ANKS1B: variants seen among roughly 807,000 people sequenced by gnomAD.
ANKS1B encodes the protein ankyrin repeat and sterile alpha motif domain-containing protein 1B.
A neutral mutation model predicts 148.3 loss-of-function variants in ANKS1B; 36 were observed. The ratio of observed to expected loss-of-function variants is 0.24; its 90% CI spans 0.19 to 0.32. The LOEUF (loss-of-function observed/expected upper bound fraction) is 0.32. ANKS1B is among the 10% of genes least tolerant of loss of function. The pLI is 1.00. For synonymous variants in ANKS1B, 542 were observed against 560.8 expected, an observed-to-expected ratio of 0.97 and a Z score of 0.47; for missense variants, 1,157 against 1,542.6, an observed-to-expected ratio of 0.75 and a Z score of 4.19.
At chr12:98,965,721 C>G (rs2099877253) in intron 17 of ANKS1B, among the ~76,000 whole-genome samples, 1 of 152,166 alleles carries the variant, frequency 6.6e-6, no homozygotes, top group African/African-American at 2.4e-5. Context: ...TGGAACAGAA[C>G]AGAGCCCTCA....
At chr12:99,281,576 C>G (rs1308066254) in intron 12 of ANKS1B, among the ~76,000 whole-genome samples, 1 of 152,116 alleles carries the variant, frequency 6.6e-6, no homozygotes, top group African/African-American at 2.4e-5. Flanking sequence ...GCGGGTACTT[C>G]CAAAATAATT....
chr12:99,679,696 T>C (rs1352836277), intron 8 of ANKS1B, among the ~76,000 whole-genome samples: 1 of 152,166 alleles, frequency 6.6e-6, no homozygotes, highest in Non-Finnish European at 1.5e-5. Flanking sequence ...AACCAAATTA[T>C]TATCAAATTC....
chr12:99,530,616 CA>C (rs1378283736), intron 9 of ANKS1B, among the ~76,000 whole-genome samples: 4 of 151,872 alleles, frequency 2.6e-5, no homozygotes, highest in African/African-American at 9.7e-5. Context: ...TTAATCACAA[CA>C]AAACTTATGC....
intron 14 of ANKS1B, among the ~76,000 whole-genome samples, chr12:99,190,933 G>T (rs1013450283): frequency 4.6e-5 from 7 of 151,772 alleles, no homozygotes; most frequent in African/African-American, 1.7e-4. Context: ...GAAAATTTTT[G>T]CAATCTCTCC....
intron 9 of ANKS1B, among the ~76,000 whole-genome samples, chr12:99,570,810 T>C (rs976736994): frequency 6.6e-6 from 1 of 152,110 alleles, no homozygotes; most frequent in African/African-American, 2.4e-5. Context: ...ATATACAATG[T>C]ACGTACTTTA....
At chr12:99,856,034 C>T (rs1381291388) in intron 1 of ANKS1B, among the ~76,000 whole-genome samples, 1 of 151,760 alleles carries the variant, frequency 6.6e-6, no homozygotes, top group African/African-American at 2.4e-5. Context: ...CAAACCAAAC[C>T]CAGCAGAAGA....
chr12:98,757,064 A>G (rs1422279099), intron 25 of ANKS1B, among the ~76,000 whole-genome samples: 7 of 152,116 alleles, frequency 4.6e-5, no homozygotes, highest in Non-Finnish European at 1.0e-4. Flanking sequence ...AAAAAAAAAA[A>G]AGTTCTTGCT....
chr12:98,808,236 G>A (rs1400652469), intron 19 of ANKS1B, among the ~76,000 whole-genome samples: 4 of 152,014 alleles, frequency 2.6e-5, no homozygotes, highest in Non-Finnish European at 5.9e-5. Context: ...CCCCCTTCAC[G>A]TCACTACTTT....
chr12:99,401,852 A>C (rs187465613), intron 11 of ANKS1B, among the ~76,000 whole-genome samples: 1 of 146,958 alleles, frequency 6.8e-6, no homozygotes, highest in African/African-American at 2.6e-5. Context: ...AGGGTCAGCA[A>C]ACTATGGCCT....
intron 15 of ANKS1B, among the ~76,000 whole-genome samples, chr12:99,122,620 A>C (rs903464682): frequency 1.3e-5 from 2 of 152,216 alleles, no homozygotes; most frequent in Non-Finnish European, 2.9e-5. Flanking sequence ...ATGTCTAATC[A>C]ATTCAGAAAA....
chr12:99,084,322 G>C (rs867177156), intron 16 of ANKS1B, among the ~76,000 whole-genome samples: 1 of 152,148 alleles, frequency 6.6e-6, no homozygotes, highest in African/African-American at 2.4e-5. Context: ...CACCTGGGGG[G>C]CCAGAACTGA....
intron 10 of ANKS1B, among the ~76,000 whole-genome samples, chr12:99,468,549 G>A (rs2096176939): frequency 6.6e-6 from 1 of 152,054 alleles, no homozygotes; most frequent in Non-Finnish European, 1.5e-5. Flanking sequence ...GTCTGACAAA[G>A]GGCTAATATC....
At chr12:99,317,610 C>G (rs2084382489) in intron 12 of ANKS1B, among the ~76,000 whole-genome samples, 1 of 152,214 alleles carries the variant, frequency 6.6e-6, no homozygotes. Context: ...CATCTGCAAA[C>G]AGGGGCAATA....
chr12:99,020,470 T>C (rs1270245382), intron 17 of ANKS1B, among the ~76,000 whole-genome samples: 1 of 152,274 alleles, frequency 6.6e-6, no homozygotes, highest in Middle Eastern at 3.4e-3. Flanking sequence ...TACACTACAA[T>C]TGACAAAATA....
intron 16 of ANKS1B, among the ~76,000 whole-genome samples, chr12:99,067,918 G>T (rs2044952724): frequency 6.6e-6 from 1 of 151,920 alleles, no homozygotes. Context: ...ATGTGTGTTT[G>T]TCAGTCTAGA....
At chr12:99,757,743 T>C (rs981635239) in intron 8 of ANKS1B, among the ~76,000 whole-genome samples, 1 of 152,000 alleles carries the variant, frequency 6.6e-6, no homozygotes, top group Non-Finnish European at 1.5e-5. Context: ...ATATATATAC[T>C]GGAATACTAT....
rs58052994 is a variant in ANKS1B, at chr12:99,260,999, A to C, written c.1757-14135T>G. Among the ~76,000 whole-genome samples, 797 of 152,320 alleles carry C rather than the reference A, an allele frequency of 5.2e-3. 5 individuals are homozygous for C. Among genetic ancestry groups the C allele is most frequent in the African/African-American group, 0.018 (766 of 41,572 alleles). Reference sequence around the variant, plus strand: ...TGTAATTTTCCATGCATAGGAAAAAACTAAATGCAATCAAATGACAATTTC... The same window carrying C: ...TGTAATTTTCCATGCATAGGAAAAACCTAAATGCAATCAAATGACAATTTC... On this transcript the variant is annotated intron_variant, in intron 12 of 26. Coordinates refer to ENST00000683438, the MANE Select transcript of ANKS1B (RefSeq NM_001352186.2).
chr12:99,504,460 G>C lies in ANKS1B; in HGVS notation c.1438+16C>G, dbSNP rs564362644. 6.2e-7 allele frequency: 1 copy of C among 1,608,426 alleles called. No individual in the cohort carries two copies. Among genetic ancestry groups the C allele is most frequent in the Non-Finnish European group, 8.5e-7 (1 of 1,178,320 alleles). On this transcript the variant is annotated intron_variant, in intron 10 of 26. Transcript: ENST00000683438. Reference sequence around the variant, plus strand: ...AAGTAAATTGAATCAGGCCAATTGTGAGTAAGAGATATTACCAGTTCTTGG... The same window carrying C: ...AAGTAAATTGAATCAGGCCAATTGTCAGTAAGAGATATTACCAGTTCTTGG...
At chr12:99,414,405 C>A (rs1325811415) in intron 11 of ANKS1B, among the ~76,000 whole-genome samples, 1 of 152,076 alleles carries the variant, frequency 6.6e-6, no homozygotes, top group East Asian at 1.9e-4. Flanking sequence ...CAGCACTATT[C>A]ACAATAGCAA....
Sources: gnomAD v4.1 joint callset for allele counts (sites outside exome capture counted in the v4.1 genomes callset) on GRCh38, gnomAD v4.1.1 for gene constraint, MANE v1.5 for transcripts, NCBI Gene and HGNC (gene_info 2026-07-23, HGNC 2026-07-21) for gene names.